ULK4: variants seen among roughly 807,000 people sequenced by gnomAD.
ULK4 encodes the protein unc-51 like kinase 4.
In ULK4, 133 loss-of-function variants were observed where a neutral mutation model predicts 160.6. The observed-to-expected ratio is 0.83, with a 90% confidence interval of 0.72 to 0.96. The LOEUF (loss-of-function observed/expected upper bound fraction) is 0.96. Among genes scored for constraint, ULK4 ranks in the 40% least tolerant of loss-of-function variants. ULK4 has a pLI of 0.00. For synonymous variants in ULK4, 534 were observed against 539.8 expected (o/e 0.99, Z 0.15); for missense variants, 1,580 against 1,499.5 (o/e 1.05, Z -0.89).
intron 35 of ULK4, among the ~76,000 whole-genome samples, chr3:41,362,591 C>A (rs527419770): frequency 3.3e-5 from 5 of 152,252 alleles, no homozygotes; most frequent in African/African-American, 1.2e-4. Flanking sequence ...TCCTCTTATG[C>A]CTCAGATTTT....
At chr3:41,915,876 G>T (rs1055583300) in intron 8 of ULK4, 101 bp downstream of exon 8, 2 of 774,280 alleles carry the variant, frequency 2.6e-6, no homozygotes, top group Admixed American at 6.1e-5. Flanking sequence ...TACATAAAAG[G>T]GGGAAAAGAT....
chr3:41,590,223 C>T (rs963757174), intron 31 of ULK4, among the ~76,000 whole-genome samples: 5 of 151,538 alleles, frequency 3.3e-5, no homozygotes, highest in Admixed American at 6.6e-5. Context: ...AGGATGGTCT[C>T]GCTCTCCTGA....
chr3:41,911,795 T>C, intron 9 of ULK4, 136 bp from the exon 10 acceptor site: 2 of 671,454 alleles, frequency 3.0e-6, no homozygotes, highest in Non-Finnish European at 5.1e-6. Context: ...CTTAACTTTA[T>C]GCCTCCCTCA....
chr3:41,467,107 T>G (rs2083855541), intron 32 of ULK4, among the ~76,000 whole-genome samples: 1 of 152,204 alleles, frequency 6.6e-6, no homozygotes, highest in East Asian at 1.9e-4. Flanking sequence ...GAAAAACAGT[T>G]GGCATTTTTA....
At chr3:41,927,614 CAG>C (rs576567818) in intron 5 of ULK4, among the ~76,000 whole-genome samples, 357 of 145,208 alleles carry the variant, frequency 2.5e-3, no homozygotes, top group African/African-American at 8.1e-3. Flanking sequence ...ATCTCACGTG[CAG>C]AGACACACAT....
intron 35 of ULK4, among the ~76,000 whole-genome samples, chr3:41,296,913 T>C (rs1451294742): frequency 8.5e-6 from 1 of 117,344 alleles, no homozygotes; most frequent in Admixed American, 9.2e-5. Context: ...AAGTGACAGA[T>C]GGCAGGAAGA....
intron 34 of ULK4, among the ~76,000 whole-genome samples, chr3:41,412,628 T>A (rs2082432445): frequency 1.4e-5 from 2 of 147,674 alleles, no homozygotes; most frequent in Admixed American, 1.4e-4. Context: ...TGTCGCAATC[T>A]CTGCTTAATG....
chr3:41,856,193 T>A (rs1043547769), intron 17 of ULK4, among the ~76,000 whole-genome samples: 4 of 152,074 alleles, frequency 2.6e-5, no homozygotes, highest in African/African-American at 2.4e-5. Flanking sequence ...AAAAATGTGA[T>A]TATTATTCAA....
At chr3:41,427,690 T>C (rs1420246493) in intron 34 of ULK4, among the ~76,000 whole-genome samples, 2 of 152,336 alleles carry the variant, frequency 1.3e-5, no homozygotes, top group South Asian at 2.1e-4. Context: ...TCTCAACAGA[T>C]GCAGAAAAGT....
intron 23 of ULK4, among the ~76,000 whole-genome samples, chr3:41,717,120 A>G (rs1665902773): frequency 1.3e-5 from 2 of 152,144 alleles, no homozygotes; most frequent in South Asian, 4.1e-4. Context: ...GAAGAAATAA[A>G]TTCAGTGTTT....
chr3:41,347,527 C>T (rs766966922), intron 35 of ULK4, among the ~76,000 whole-genome samples: 10 of 152,118 alleles, frequency 6.6e-5, no homozygotes, highest in Non-Finnish European at 1.3e-4. Flanking sequence ...GCATGCAACA[C>T]CCTATCTAAC....
chr3:41,460,693 A>G (rs1443227147), intron 33 of ULK4, among the ~76,000 whole-genome samples: 1 of 152,158 alleles, frequency 6.6e-6, no homozygotes, highest in Non-Finnish European at 1.5e-5. Flanking sequence ...CCTGTAAACA[A>G]AAAAGGAAGC....
At chr3:41,674,323 A>G (rs1448368031) in intron 29 of ULK4, among the ~76,000 whole-genome samples, 1 of 152,124 alleles carries the variant, frequency 6.6e-6, no homozygotes, top group African/African-American at 2.4e-5. Flanking sequence ...TGACTTTGAT[A>G]TTAAACTTCT....
intron 35 of ULK4, among the ~76,000 whole-genome samples, chr3:41,332,488 C>G (rs1385003615): frequency 6.6e-6 from 1 of 152,210 alleles, no homozygotes; most frequent in Non-Finnish European, 1.5e-5. Flanking sequence ...GAAATCTTAA[C>G]TGCTCAACGG....
chr3:41,708,425 C>G (rs2036979980), intron 25 of ULK4, among the ~76,000 whole-genome samples: 1 of 152,052 alleles, frequency 6.6e-6, no homozygotes, highest in African/African-American at 2.4e-5. Flanking sequence ...GAGCCAGGCA[C>G]AGAAAGACAA....
At chr3:41,699,910 T>G (rs1459451507) in intron 27 of ULK4, among the ~76,000 whole-genome samples, 1 of 152,254 alleles carries the variant, frequency 6.6e-6, no homozygotes, top group Non-Finnish European at 1.5e-5. Context: ...GCATTTCATA[T>G]GATTAGAAAA....
intron 22 of ULK4, among the ~76,000 whole-genome samples, chr3:41,754,055 CCCACTTGGT>C (rs2038714332): frequency 6.6e-6 from 1 of 152,112 alleles, no homozygotes. Flanking sequence ...TCCAATTACT[CCCACTTGGT>C]CCCACCCTTG....
chr3:41,369,141 T>C (rs76120034), intron 35 of ULK4, among the ~76,000 whole-genome samples: 5,532 of 152,264 alleles, frequency 0.036, 275 homozygotes, highest in East Asian at 0.19. Context: ...TACTCTAATT[T>C]ATGTTAACAA....
Position 41,324,115 on chromosome 3 carries a change from G to A in ULK4, c.3678+73964C>T, listed in dbSNP as rs60389089. Among the ~76,000 whole-genome samples, 831 of 152,306 alleles carry A rather than the reference G, an allele frequency of 5.5e-3. 13 individuals are homozygous for A. The highest frequency in any genetic ancestry group is 0.019 in the African/African-American group (788 of 41,556). ...CAGCTGGGGCCTTAGCATCAAGAAG[G>A]CAGCCCATTCTCTTCCTTTCAATTC... On this transcript the variant is annotated intron_variant, in intron 35 of 36. Coordinates refer to ENST00000301831, the MANE Select transcript of ULK4 (RefSeq NM_017886.4).
Sources: gnomAD v4.1 joint callset for allele counts (sites outside exome capture counted in the v4.1 genomes callset) on GRCh38, gnomAD v4.1.1 for gene constraint, MANE v1.5 for transcripts, NCBI Gene and HGNC (gene_info 2026-07-23, HGNC 2026-07-21) for gene names.